ADGRD1: variants seen among roughly 807,000 people sequenced by gnomAD.
ADGRD1 encodes the protein G-protein coupled receptor 133.
A neutral mutation model predicts 113.4 loss-of-function variants in ADGRD1; 77 were observed. The ratio of observed to expected loss-of-function variants is 0.68; its 90% CI spans 0.57 to 0.82. The LOEUF is 0.82. Ranked by LOEUF, ADGRD1 falls within the 40% of genes least tolerant of loss-of-function variation. The pLI, the probability that ADGRD1 is intolerant of heterozygous loss-of-function variation, is 0.00. For missense variants in ADGRD1, 1,036 were observed against 1,139.1 expected (o/e 0.91, Z 1.30); for synonymous variants, 474 against 475.0 (o/e 1.00, Z 0.03).
intron 14 of ADGRD1, among the ~76,000 whole-genome samples, chr12:131,078,261 G>A (rs1275077561): frequency 6.6e-6 from 1 of 152,222 alleles, no homozygotes; most frequent in African/African-American, 2.4e-5. Flanking sequence ...TGTGAACAGC[G>A]AGGAAAGTGC....
intron 5 of ADGRD1, among the ~76,000 whole-genome samples, chr12:130,982,560 G>A (rs991587806): frequency 6.6e-6 from 1 of 151,994 alleles, no homozygotes; most frequent in Non-Finnish European, 1.5e-5. Flanking sequence ...TCTTCTTAGT[G>A]GTATAGACTT....
chr12:130,955,560 G>A (rs1268929540), intron 2 of ADGRD1, among the ~76,000 whole-genome samples: 2 of 152,154 alleles, frequency 1.3e-5, no homozygotes, highest in African/African-American at 2.4e-5. Context: ...ATGGGAAGAC[G>A]AGGCTTTCTG....
At position 131,033,286 on chromosome 12, in the gene ADGRD1, C is replaced by G. The variant is rs1246607792; in HGVS notation, c.1473+18946C>G. Reference sequence around the variant, plus strand: ...GCTGGGGTGGGGTGGGAAGGAAGGACTTCCAGGCCGGAGGGGTTTCTAGAG... The same window carrying G: ...GCTGGGGTGGGGTGGGAAGGAAGGAGTTCCAGGCCGGAGGGGTTTCTAGAG... On this transcript the variant is annotated intron_variant, in intron 13 of 24. Coordinates refer to ENST00000261654, the MANE Select transcript of ADGRD1 (RefSeq NM_198827.5). 2.6e-5 allele frequency among the ~76,000 whole-genome samples: 4 copies of G among 152,282 alleles called. No individual in the cohort carries two copies. In the East Asian group the frequency reaches 7.7e-4, roughly 30 times the overall value.
At chr12:131,098,856 T>C (rs753941286) in intron 15 of ADGRD1, among the ~76,000 whole-genome samples, 1 of 152,240 alleles carries the variant, frequency 6.6e-6, no homozygotes, top group African/African-American at 2.4e-5. Flanking sequence ...AGGTGCTGAA[T>C]ACATGCTTGC....
At position 131,104,442 on chromosome 12, in the gene ADGRD1, G is replaced by C. The variant is rs1440789892; in HGVS notation, c.1672-389G>C. On this transcript the variant is annotated intron_variant, in intron 15 of 24. Transcript: ENST00000261654. Reference sequence around the variant, plus strand: ...GAGTGTCACATGGCCCAGATTGTCAGCCAGGACGTGGCCCAGCTGGGACTT... The same window carrying C: ...GAGTGTCACATGGCCCAGATTGTCACCCAGGACGTGGCCCAGCTGGGACTT... Among the ~76,000 whole-genome samples the C allele has an allele frequency of 3.3e-5, 5 of 152,216 alleles. No homozygotes were observed. The South Asian group carries it at 6.2e-4, about 19-fold the overall frequency.
chr12:131,109,179 A>G, intron 18 of ADGRD1, among the ~76,000 whole-genome samples: 1 of 152,174 alleles, frequency 6.6e-6, no homozygotes, highest in East Asian at 1.9e-4. Flanking sequence ...GACTTGGTTT[A>G]TCAATTTTGG....
chr12:131,106,503 AACAG>A (rs1194936992), intron 17 of ADGRD1, among the ~76,000 whole-genome samples: 2 of 152,156 alleles, frequency 1.3e-5, no homozygotes, highest in African/African-American at 4.8e-5. Context: ...GGAAGAGAAA[AACAG>A]AGGGCTGCCT....
rs531146261 is a variant in ADGRD1 at position 131,043,707 on chromosome 12, G to A, written c.1473+29367G>A. Reference sequence around the variant, plus strand: ...CACACAGGGCCACACGGGGATGCACGTGGGGCAGAGTGCACCCGCAGGGCT... The same window carrying A: ...CACACAGGGCCACACGGGGATGCACATGGGGCAGAGTGCACCCGCAGGGCT... On this transcript the variant is annotated intron_variant, in intron 13 of 24. Coordinates refer to ENST00000261654, the MANE Select transcript of ADGRD1 (RefSeq NM_198827.5). Among the ~76,000 whole-genome samples the A allele has an allele frequency of 3.2e-4, 49 of 152,376 alleles. No individual in the cohort carries two copies. The South Asian group carries it at 6.0e-3, about 19-fold the overall frequency.
intron 8 of ADGRD1, chr12:130,994,110 T>TG (rs977818666): frequency 3.7e-6 from 1 of 271,182 alleles, no homozygotes; most frequent in African/African-American, 2.2e-5. Context: ...AGCTCTAGGG[T>TG]GGGGCCAAGG....
chr12:131,083,214 T>C (rs897923188), intron 14 of ADGRD1, among the ~76,000 whole-genome samples: 3 of 152,260 alleles, frequency 2.0e-5, no homozygotes, highest in African/African-American at 7.2e-5. Context: ...CCAAGGGCCA[T>C]TGCCTTTGGC....
intron 13 of ADGRD1, among the ~76,000 whole-genome samples, chr12:131,040,686 C>A (rs1261609746): frequency 1.3e-5 from 2 of 152,194 alleles, no homozygotes; most frequent in Non-Finnish European, 2.9e-5. Flanking sequence ...CCAGAGCTGC[C>A]TTGTTATCTG....
chr12:131,108,035 G>C (rs1342750563), intron 17 of ADGRD1, among the ~76,000 whole-genome samples: 3 of 152,150 alleles, frequency 2.0e-5, no homozygotes, highest in African/African-American at 7.2e-5. Flanking sequence ...GAGGATCTGA[G>C]GCTGCACTGT....
In ADGRD1 at chr12:131,003,937, G is replaced by A. The variant is rs1001847888; in HGVS notation, c.1145-249G>A. On this transcript the variant is annotated intron_variant, in intron 10 of 24. Coordinates refer to ENST00000261654, the MANE Select transcript of ADGRD1 (RefSeq NM_198827.5). The surrounding 1 kb of genome is among the most constrained non-coding windows in gnomAD (Gnocchi z 4.8). ...TGGGGGCTGTGCTGGGGCGGAGGGC[G>A]CCCCAGGTGAGGAGCCGCGCGCCCG... 3.9e-5 allele frequency among the ~76,000 whole-genome samples: 6 copies of A among 151,964 alleles called. No individual in the cohort carries two copies. Among genetic ancestry groups the A allele is most frequent in the African/African-American group, 7.3e-5 (3 of 41,358 alleles).
intron 8 of ADGRD1, among the ~76,000 whole-genome samples, chr12:130,996,872 C>T (rs867996533): frequency 0.053 from 6,167 of 117,046 alleles, 161 homozygotes; most frequent in Non-Finnish European, 0.075. Context: ...GGTGGCTGGC[C>T]GGGCAGAGGG....
At chr12:131,133,161 C>G (rs1441479338) in intron 21 of ADGRD1, among the ~76,000 whole-genome samples, 1 of 152,032 alleles carries the variant, frequency 6.6e-6, no homozygotes, top group Non-Finnish European at 1.5e-5. Context: ...AGGGACCTGT[C>G]CCTTCCTCAC....
intron 13 of ADGRD1, among the ~76,000 whole-genome samples, chr12:131,017,863 C>T (rs1878811595): frequency 6.6e-6 from 1 of 151,334 alleles, no homozygotes; most frequent in Admixed American, 6.6e-5. Flanking sequence ...AGCACAGGCA[C>T]ACACACTTAG....
intron 18 of ADGRD1, among the ~76,000 whole-genome samples, chr12:131,114,946 G>A (rs755198726): frequency 2.6e-4 from 39 of 152,150 alleles, no homozygotes; most frequent in Admixed American, 8.5e-4. Context: ...AATGTAACTC[G>A]TTTTATTTTT....
intron 13 of ADGRD1, among the ~76,000 whole-genome samples, chr12:131,066,049 G>A (rs1884694564): frequency 6.6e-6 from 1 of 152,128 alleles, no homozygotes; most frequent in Non-Finnish European, 1.5e-5. Flanking sequence ...TTAAACCTTA[G>A]AGCCCCAGGG....
intron 13 of ADGRD1, among the ~76,000 whole-genome samples, chr12:131,064,732 C>T: frequency 6.6e-6 from 1 of 152,240 alleles, no homozygotes. Context: ...CCTTTCGCTA[C>T]TCAAGTGAGT....
Sources: gnomAD v4.1 joint callset for allele counts (sites outside exome capture counted in the v4.1 genomes callset) on GRCh38, gnomAD v4.1.1 for gene constraint, Gnocchi (gnomAD v3.1) non-coding constraint, MANE v1.5 for transcripts, NCBI Gene and HGNC (gene_info 2026-07-23, HGNC 2026-07-21) for gene names.